Variants in CDK5RAP2 observed in about 807,000 individuals in gnomAD.
The protein encoded by CDK5RAP2 is CDK5 regulatory subunit associated protein 2.
In CDK5RAP2, 147 loss-of-function variants were observed where a neutral mutation model predicts 232.9. The observed-to-expected ratio is 0.63, with a 90% CI of 0.55 to 0.72. CDK5RAP2 has a LOEUF of 0.72. Among genes scored for constraint, CDK5RAP2 ranks in the 30% least tolerant of loss-of-function variants. CDK5RAP2 has a pLI of 0.00. For missense variants in CDK5RAP2, 2,195 were observed against 2,231.5 expected, an observed-to-expected ratio of 0.98 and a Z score of 0.33; for synonymous variants, 833 against 833.7, an observed-to-expected ratio of 1.00 and a Z score of 0.01.
chr9:120,456,575 T>C (rs1387427693), intron 20 of CDK5RAP2, among the ~76,000 whole-genome samples: 1 of 152,234 alleles, frequency 6.6e-6, no homozygotes, highest in African/African-American at 2.4e-5. Context: ...ATGGTACATT[T>C]TTCACCTCTA....
At chr9:120,469,317 C>A (rs190028036) in intron 17 of CDK5RAP2, among the ~76,000 whole-genome samples, 5 of 152,274 alleles carry the variant, frequency 3.3e-5, no homozygotes, top group East Asian at 1.9e-4. Context: ...CTCACCCCCC[C>A]ATCTCCCATA....
At chr9:120,528,982 A>C (rs1402723889) in intron 8 of CDK5RAP2, 185 bp from the exon 9 acceptor site, 4 of 629,126 alleles carry the variant, frequency 6.4e-6, no homozygotes, top group South Asian at 1.9e-5. Context: ...AATGAAGAAA[A>C]ATGTGAAGAC....
intron 3 of CDK5RAP2, among the ~76,000 whole-genome samples, chr9:120,561,742 T>C (rs2042472162): frequency 2.0e-5 from 3 of 152,280 alleles, no homozygotes; most frequent in Non-Finnish European, 4.4e-5. Flanking sequence ...AATTTGCATA[T>C]TCCATTGCTT....
chr9:120,515,227 A>G (rs1362267781), intron 12 of CDK5RAP2, among the ~76,000 whole-genome samples: 2 of 152,202 alleles, frequency 1.3e-5, no homozygotes, highest in Non-Finnish European at 1.5e-5. Flanking sequence ...ATTGACTATG[A>G]AACATGCAGC....
intron 12 of CDK5RAP2, among the ~76,000 whole-genome samples, chr9:120,502,001 C>A (rs2039596625): frequency 6.6e-6 from 1 of 152,150 alleles, no homozygotes; most frequent in African/African-American, 2.4e-5. Flanking sequence ...AGGTAATTTG[C>A]CTAAGATCAC....
At chr9:120,416,122 T>G (rs1289748454) in intron 27 of CDK5RAP2, among the ~76,000 whole-genome samples, 1 of 152,102 alleles carries the variant, frequency 6.6e-6, no homozygotes, top group Non-Finnish European at 1.5e-5. Context: ...CCCCACAGAC[T>G]AAGCAAACAG....
intron 20 of CDK5RAP2, among the ~76,000 whole-genome samples, chr9:120,457,790 G>A (rs148735374): frequency 2.0e-5 from 3 of 152,006 alleles, no homozygotes; most frequent in Non-Finnish European, 4.4e-5. Context: ...TTTCTTAAAC[G>A]TTTTTTTCTT....
At chr9:120,499,256 G>A (rs1170440947) in intron 12 of CDK5RAP2, among the ~76,000 whole-genome samples, 2 of 152,162 alleles carry the variant, frequency 1.3e-5, no homozygotes, top group Non-Finnish European at 2.9e-5. Context: ...GAGGGAGTGA[G>A]GGGGAGGGCA....
intron 3 of CDK5RAP2, among the ~76,000 whole-genome samples, chr9:120,562,779 C>A (rs1027821851): frequency 1.3e-5 from 2 of 152,006 alleles, no homozygotes; most frequent in Non-Finnish European, 2.9e-5. Context: ...ACAGTAGCCG[C>A]CCTGTTTGCT....
chr9:120,554,024 T>C (rs940187290), intron 3 of CDK5RAP2, among the ~76,000 whole-genome samples: 3 of 152,246 alleles, frequency 2.0e-5, no homozygotes, highest in African/African-American at 4.8e-5. Context: ...AATTATAGTA[T>C]GTTAACTCAA....
At chr9:120,479,709 G>A (rs2038204173) in intron 14 of CDK5RAP2, among the ~76,000 whole-genome samples, 1 of 152,138 alleles carries the variant, frequency 6.6e-6, no homozygotes, top group Non-Finnish European at 1.5e-5. Flanking sequence ...TGAAAGTCAA[G>A]GAAAGATTTT....
chr9:120,484,304 G>A (rs1419326619), intron 14 of CDK5RAP2, among the ~76,000 whole-genome samples: 1 of 152,206 alleles, frequency 6.6e-6, no homozygotes, highest in Non-Finnish European at 1.5e-5. Flanking sequence ...CTTGGGGCCG[G>A]GGGAGTCGGG....
intron 12 of CDK5RAP2, among the ~76,000 whole-genome samples, chr9:120,518,210 T>TGTGTGAGACAGA (rs1554770753): frequency 1.4e-4 from 6 of 44,014 alleles, no homozygotes; most frequent in East Asian, 7.9e-4. Flanking sequence ...TGTGTGTGTG[T>TGTGTGAGACAGA]GAGAGAGAGA....
chr9:120,496,589 G>A (rs1442050547), intron 12 of CDK5RAP2, among the ~76,000 whole-genome samples: 356 of 146,802 alleles, frequency 2.4e-3, no homozygotes, highest in Non-Finnish European at 4.0e-3. Context: ...CCGGCCAGCC[G>A]CCCCGTCCGG....
At position 120,577,927 on chromosome 9, in the gene CDK5RAP2, C is replaced by T. The variant is rs2043095822; in HGVS notation, c.59+1993G>A. Among the ~76,000 whole-genome samples the T allele has an allele frequency of 2.0e-5, 3 of 152,134 alleles. No individual in the cohort carries two copies. In the South Asian group the frequency reaches 6.2e-4, roughly 32 times the overall value. ...AAGTTATGATAACAGCAATAAGCAG[C>T]ATTAAAAGTATAAAGCAGCAGACTG... is the stretch of plus-strand genomic sequence containing the variant. On this transcript the variant is annotated intron_variant, in intron 1 of 37. Transcript: ENST00000349780.
intron 1 of CDK5RAP2, 73 bp from the exon 2 acceptor site, chr9:120,572,114 G>A (rs1187017154): frequency 2.7e-5 from 31 of 1,155,718 alleles, no homozygotes; most frequent in Middle Eastern, 1.9e-4. Context: ...GGTCTGGACT[G>A]CACATGACAA....
At chr9:120,473,409 T>C (rs1051698186) in intron 15 of CDK5RAP2, among the ~76,000 whole-genome samples, 1 of 152,222 alleles carries the variant, frequency 6.6e-6, no homozygotes, top group Non-Finnish European at 1.5e-5. Context: ...TCAAAAGGGA[T>C]CAATAGCCCC....
chr9:120,475,997 G>GT (rs2037986681), intron 15 of CDK5RAP2, among the ~76,000 whole-genome samples: 4 of 152,110 alleles, frequency 2.6e-5, no homozygotes, highest in Admixed American at 2.6e-4. Context: ...CCTGACAAAT[G>GT]TAACATTCAA....
chr9:120,478,678 G>T (rs564899887), intron 14 of CDK5RAP2, among the ~76,000 whole-genome samples: 1 of 152,278 alleles, frequency 6.6e-6, no homozygotes, highest in Admixed American at 6.5e-5. Context: ...CTATTTGGGA[G>T]GCTAAGACAG....
Sources: gnomAD v4.1 joint callset for allele counts (sites outside exome capture counted in the v4.1 genomes callset) on GRCh38, gnomAD v4.1.1 for gene constraint, MANE v1.5 for transcripts, NCBI Gene and HGNC (gene_info 2026-07-23, HGNC 2026-07-21) for gene names.